NSMCE2: variants seen among roughly 807,000 people sequenced by gnomAD.
NSMCE2 encodes the protein E3 SUMO-protein ligase NSE2.
In NSMCE2, 24 loss-of-function variants were observed where a neutral mutation model predicts 23.8. That is an observed-to-expected ratio of 1.01 (90% CI 0.73 to 1.42). The LOEUF (loss-of-function observed/expected upper bound fraction) is 1.42, where lower values mean the gene tolerates loss of function less well. NSMCE2 is among the 40% of genes most tolerant of loss of function. The pLI, the probability that NSMCE2 is intolerant of heterozygous loss-of-function variation, is 0.00. For missense variants in NSMCE2, 284 were observed against 296.5 expected (o/e 0.96, Z 0.31); for synonymous variants, 92 against 94.1 (o/e 0.98, Z 0.13).
intron 5 of NSMCE2, among the ~76,000 whole-genome samples, chr8:125,199,489 T>C (rs960428301): frequency 3.3e-5 from 5 of 152,220 alleles, no homozygotes; most frequent in Non-Finnish European, 7.3e-5. Flanking sequence ...GTTGTGCGGT[T>C]TTAAATGAGT....
intron 5 of NSMCE2, among the ~76,000 whole-genome samples, chr8:125,206,795 G>A (rs1237811259): frequency 3.9e-5 from 6 of 152,142 alleles, no homozygotes; most frequent in Non-Finnish European, 7.3e-5. Context: ...AAAACATTTC[G>A]TGTAAGACCA....
At chr8:125,182,559 T>A in intron 5 of NSMCE2, 1 of 455,864 alleles carries the variant, frequency 2.2e-6, no homozygotes, top group Non-Finnish European at 3.8e-6. Flanking sequence ...GTGAAAACTA[T>A]TTTATTTAAA....
intron 3 of NSMCE2, among the ~76,000 whole-genome samples, chr8:125,122,238 A>G (rs1174948594): frequency 6.6e-6 from 1 of 151,782 alleles, no homozygotes; most frequent in African/African-American, 2.4e-5. Context: ...AAATACAAAG[A>G]TATGAAGATA....
chr8:125,271,089 G>A (rs1276542192), intron 5 of NSMCE2, among the ~76,000 whole-genome samples: 7 of 151,794 alleles, frequency 4.6e-5, no homozygotes, highest in East Asian at 1.9e-4. Context: ...GTGAGACCCC[G>A]TTTCTACTAA....
intron 3 of NSMCE2, among the ~76,000 whole-genome samples, chr8:125,147,910 C>T (rs1049220080): frequency 2.6e-5 from 4 of 152,132 alleles, no homozygotes; most frequent in African/African-American, 9.7e-5. Flanking sequence ...TTGACATGGA[C>T]GTTCTCATGA....
chr8:125,221,922 T>G (rs999243988), intron 5 of NSMCE2, among the ~76,000 whole-genome samples: 1 of 152,184 alleles, frequency 6.6e-6, no homozygotes, highest in Non-Finnish European at 1.5e-5. Context: ...GATGTGAAAG[T>G]CTTCACACAG....
At position 125,337,938 on chromosome 8, in the gene NSMCE2, TG is replaced by T. The variant is rs201185071; in HGVS notation, c.419-19279del. Among the ~76,000 whole-genome samples the T allele has an allele frequency of 3.9e-3, 583 of 150,192 alleles. 13 individuals are homozygous for T. The highest frequency in any genetic ancestry group is 0.033 in the Admixed American group (503 of 15,044). ...AGAAAACAACAGGTTTGCCTGGAGATGGCAGCATAAGGAGTCATTTTTCTGC... is the reference window on the plus strand; with the variant it reads ...AGAAAACAACAGGTTTGCCTGGAGATGCAGCATAAGGAGTCATTTTTCTGC... On this transcript the variant is annotated intron_variant, in intron 5 of 7. Transcript: ENST00000287437.
At chr8:125,325,314 A>G (rs34892282) in intron 5 of NSMCE2, among the ~76,000 whole-genome samples, 1 of 147,682 alleles carries the variant, frequency 6.8e-6, no homozygotes, top group African/African-American at 2.6e-5. Context: ...ATAAAATAAA[A>G]TAAAATAAAG....
At chr8:125,122,738 C>G (rs1477461187) in intron 3 of NSMCE2, among the ~76,000 whole-genome samples, 1 of 152,142 alleles carries the variant, frequency 6.6e-6, no homozygotes, top group Non-Finnish European at 1.5e-5. Flanking sequence ...TCTTTGCACT[C>G]AGTTGTATTT....
At chr8:125,340,503 TTGAC>T (rs1362885333) in intron 5 of NSMCE2, among the ~76,000 whole-genome samples, 9 of 152,236 alleles carry the variant, frequency 5.9e-5, no homozygotes, top group African/African-American at 2.2e-4. Flanking sequence ...TTGAACATAT[TTGAC>T]TGCATTTTAT....
At chr8:125,134,768 C>T (rs1384941774) in intron 3 of NSMCE2, among the ~76,000 whole-genome samples, 1 of 136,412 alleles carries the variant, frequency 7.3e-6, no homozygotes, top group Non-Finnish European at 1.5e-5. Context: ...TGCTCTGTTG[C>T]TCAGGCTGGA....
intron 5 of NSMCE2, among the ~76,000 whole-genome samples, chr8:125,347,442 T>C (rs1812821426): frequency 6.6e-6 from 1 of 152,232 alleles, no homozygotes; most frequent in Non-Finnish European, 1.5e-5. Context: ...AAAATGTATA[T>C]ATTTCACTGA....
At chr8:125,297,297 G>C (rs1343163807) in intron 5 of NSMCE2, among the ~76,000 whole-genome samples, 1 of 152,120 alleles carries the variant, frequency 6.6e-6, no homozygotes, top group Admixed American at 6.5e-5. Context: ...AATCTGTAGA[G>C]CTTATTTTAC....
intron 5 of NSMCE2, among the ~76,000 whole-genome samples, chr8:125,280,183 C>T (rs1413747010): frequency 6.6e-6 from 1 of 152,130 alleles, no homozygotes; most frequent in Non-Finnish European, 1.5e-5. Context: ...TAAGCAAGAA[C>T]GTGGATAATA....
In NSMCE2 at chr8:125,254,545, A is replaced by G. The variant is rs982398222; in HGVS notation, c.418+72289A>G. ...ATATAGCAAATCCTGAATCACTGCC[A>G]TTTTTTATATAACTGACCCACATGG... On this transcript the variant is annotated intron_variant, in intron 5 of 7. Coordinates refer to ENST00000287437, the MANE Select transcript of NSMCE2 (RefSeq NM_173685.4). Among the ~76,000 whole-genome samples, 10 of 152,254 alleles carry G rather than the reference A, an allele frequency of 6.6e-5. 1 individual carries two copies. The highest frequency in any genetic ancestry group is 6.5e-4 in the Admixed American group (10 of 15,298).
At chr8:125,350,296 G>A (rs1307488730) in intron 5 of NSMCE2, among the ~76,000 whole-genome samples, 3 of 152,202 alleles carry the variant, frequency 2.0e-5, no homozygotes, top group Non-Finnish European at 2.9e-5. Flanking sequence ...TTGCCAAGGA[G>A]ATGACATTTA....
chr8:125,196,238 AC>A (rs1433325631), intron 5 of NSMCE2, among the ~76,000 whole-genome samples: 10 of 147,150 alleles, frequency 6.8e-5, no homozygotes, highest in African/African-American at 2.0e-4. Flanking sequence ...GTTCTAGGGT[AC>A]ATGTGCACAA....
At chr8:125,291,980 G>A (rs1042178789) in intron 5 of NSMCE2, among the ~76,000 whole-genome samples, 4 of 151,902 alleles carry the variant, frequency 2.6e-5, no homozygotes, top group African/African-American at 4.8e-5. Context: ...CTGTCCTCCC[G>A]CACTCAATTC....
chr8:125,143,592 G>A (rs1288866581), intron 3 of NSMCE2, among the ~76,000 whole-genome samples: 1 of 152,174 alleles, frequency 6.6e-6, no homozygotes, highest in South Asian at 2.1e-4. Flanking sequence ...AATAAAATGC[G>A]TGGAGTTGAA....
Sources: gnomAD v4.1 joint callset for allele counts (sites outside exome capture counted in the v4.1 genomes callset) on GRCh38, gnomAD v4.1.1 for gene constraint, MANE v1.5 for transcripts, NCBI Gene and HGNC (gene_info 2026-07-23, HGNC 2026-07-21) for gene names.